Variants in EVI5 observed in about 807,000 individuals in gnomAD.
The protein encoded by EVI5 is ecotropic viral integration site 5.
A neutral mutation model predicts 112.0 loss-of-function variants in EVI5; 73 were observed. The observed-to-expected ratio is 0.65, with a 90% CI of 0.54 to 0.79. The LOEUF is 0.79. EVI5 is among the 30% of genes least tolerant of loss of function. The pLI, the probability that EVI5 is intolerant of heterozygous loss-of-function variation, is 0.00. For synonymous variants in EVI5, 305 were observed against 319.9 expected (o/e 0.95, Z 0.50); for missense variants, 900 against 968.8 (o/e 0.93, Z 0.94).
At chr1:92,711,926 G>A (rs1672908480) in intron 2 of EVI5, among the ~76,000 whole-genome samples, 1 of 152,150 alleles carries the variant, frequency 6.6e-6, no homozygotes, top group Non-Finnish European at 1.5e-5. Flanking sequence ...CAGCAAGTTT[G>A]GCATAAGATA....
At chr1:92,590,541 G>A (rs575841819) in intron 18 of EVI5, among the ~76,000 whole-genome samples, 1 of 152,300 alleles carries the variant, frequency 6.6e-6, no homozygotes, top group South Asian at 2.1e-4. Context: ...TGAATGAAAT[G>A]AAGCGAGAAG....
chr1:92,741,956 A>G (rs1678479315), intron 1 of EVI5, among the ~76,000 whole-genome samples: 1 of 152,060 alleles, frequency 6.6e-6, no homozygotes, highest in South Asian at 2.1e-4. Context: ...CAACAAAAGG[A>G]AAAAAAAGAT....
chr1:92,752,373 CCAT>C (rs1336488664), intron 1 of EVI5, among the ~76,000 whole-genome samples: 1 of 152,116 alleles, frequency 6.6e-6, no homozygotes, highest in Non-Finnish European at 1.5e-5. Flanking sequence ...CAGGGTTTCA[CCAT>C]GTTGGCCAGG....
chr1:92,639,770 T>C (rs1421312451), intron 13 of EVI5, among the ~76,000 whole-genome samples: 2 of 152,140 alleles, frequency 1.3e-5, no homozygotes, highest in Admixed American at 6.6e-5. Flanking sequence ...AAAAACTACT[T>C]TAAATTTCAT....
At chr1:92,636,678 A>G (rs371830901) in intron 13 of EVI5, among the ~76,000 whole-genome samples, 66 of 152,246 alleles carry the variant, frequency 4.3e-4, no homozygotes, top group African/African-American at 1.6e-3. Context: ...ACTGCACAAT[A>G]AATAGGATAG....
intron 9 of EVI5, among the ~76,000 whole-genome samples, chr1:92,692,333 G>A (rs1429515221): frequency 6.6e-6 from 1 of 152,176 alleles, no homozygotes; most frequent in African/African-American, 2.4e-5. Context: ...TTCTCTGCCT[G>A]GCTAGTGTGA....
At chr1:92,733,594 T>A (rs1470956216) in intron 2 of EVI5, among the ~76,000 whole-genome samples, 1 of 151,704 alleles carries the variant, frequency 6.6e-6, no homozygotes, top group East Asian at 1.9e-4. Context: ...TTAATTTTAG[T>A]AAAGATGAGG....
intron 18 of EVI5, among the ~76,000 whole-genome samples, chr1:92,600,051 G>C (rs1177165300): frequency 6.6e-6 from 1 of 152,134 alleles, no homozygotes; most frequent in Non-Finnish European, 1.5e-5. Flanking sequence ...GTAAGCAGAT[G>C]AACTAACGGA....
At chr1:92,570,399 T>C (rs1670163842) in intron 18 of EVI5, among the ~76,000 whole-genome samples, 1 of 152,120 alleles carries the variant, frequency 6.6e-6, no homozygotes, top group African/African-American at 2.4e-5. Flanking sequence ...TGAAATCCAC[T>C]ACTAGGAAGA....
chr1:92,788,192 G>A (rs925248469), upstream of EVI5, among the ~76,000 whole-genome samples: 2 of 152,170 alleles, frequency 1.3e-5, no homozygotes, highest in East Asian at 1.9e-4. Flanking sequence ...AATAGTGGCC[G>A]GGCGTAGTGG....
intron 10 of EVI5, among the ~76,000 whole-genome samples, chr1:92,675,716 G>A (rs1187693242): frequency 6.6e-6 from 1 of 152,086 alleles, no homozygotes; most frequent in Non-Finnish European, 1.5e-5. Flanking sequence ...TAGCACTTTG[G>A]GAGGCTAAGG....
At chr1:92,781,824 G>A (rs932747088) in intron 1 of EVI5, among the ~76,000 whole-genome samples, 2 of 151,302 alleles carry the variant, frequency 1.3e-5, no homozygotes, top group Non-Finnish European at 2.9e-5. Context: ...GCATGGTGGT[G>A]CTCATCTGTA....
intron 2 of EVI5, among the ~76,000 whole-genome samples, chr1:92,735,537 AT>A (rs1677179672): frequency 6.7e-6 from 1 of 149,862 alleles, no homozygotes; most frequent in African/African-American, 2.4e-5. Context: ...AGCCAGTAGC[AT>A]TATATAGCTT....
chr1:92,689,324 C>T (rs1669088519), intron 9 of EVI5, among the ~76,000 whole-genome samples: 1 of 151,892 alleles, frequency 6.6e-6, no homozygotes, highest in African/African-American at 2.4e-5. Context: ...AGTAGATTGG[C>T]AAAAATTAAG....
intron 1 of EVI5, among the ~76,000 whole-genome samples, chr1:92,792,081 A>G (rs1046022894): frequency 3.9e-5 from 6 of 152,254 alleles, no homozygotes; most frequent in African/African-American, 7.2e-5. Flanking sequence ...TTGAATTACA[A>G]AAAGCCAATT....
chr1:92,549,486 A>G (rs1015330388), intron 19 of EVI5, among the ~76,000 whole-genome samples: 10 of 151,674 alleles, frequency 6.6e-5, no homozygotes, highest in African/African-American at 2.4e-4. Flanking sequence ...TCAAAAGCCA[A>G]AATTGACAAA....
intron 19 of EVI5, among the ~76,000 whole-genome samples, chr1:92,542,667 T>G (rs1268754053): frequency 6.6e-6 from 1 of 152,202 alleles, no homozygotes; most frequent in South Asian, 2.1e-4. Flanking sequence ...TGTACTTTTA[T>G]GTAATGGAGC....
At chr1:92,707,666 A>G (rs553407541) in intron 2 of EVI5, among the ~76,000 whole-genome samples, 1 of 152,308 alleles carries the variant, frequency 6.6e-6, no homozygotes, top group South Asian at 2.1e-4. Flanking sequence ...GCCAGGATGG[A>G]AGCAATTCTA....
chr1:92,758,431 T>C (rs980656795), intron 1 of EVI5, among the ~76,000 whole-genome samples: 32 of 151,884 alleles, frequency 2.1e-4, no homozygotes, highest in Admixed American at 6.6e-5. Context: ...TAGCCGGGCA[T>C]AGTGGCGCAC....
Sources: gnomAD v4.1 joint callset for allele counts (sites outside exome capture counted in the v4.1 genomes callset) on GRCh38, gnomAD v4.1.1 for gene constraint, MANE v1.5 for transcripts, NCBI Gene and HGNC (gene_info 2026-07-23, HGNC 2026-07-21) for gene names.